Variants in PITPNC1 observed in about 807,000 individuals in gnomAD.
The protein encoded by PITPNC1 is cytoplasmic phosphatidylinositol transfer protein 1.
Under a neutral mutation model 44.7 loss-of-function variants are expected in PITPNC1, and 18 were observed. That is an observed-to-expected ratio of 0.40 (90% CI 0.28 to 0.60). The LOEUF (loss-of-function observed/expected upper bound fraction) is 0.60. Ranked by LOEUF, PITPNC1 falls within the 20% of genes least tolerant of loss-of-function variation. PITPNC1 has a pLI of 0.39. For synonymous variants in PITPNC1, 141 were observed against 149.6 expected, an observed-to-expected ratio of 0.94 and a Z score of 0.42; for missense variants, 290 against 418.4, an observed-to-expected ratio of 0.69 and a Z score of 2.68.
At chr17:67,463,529 G>T (rs1239062866) in intron 1 of PITPNC1, among the ~76,000 whole-genome samples, 1 of 152,186 alleles carries the variant, frequency 6.6e-6, no homozygotes, top group Non-Finnish European at 1.5e-5. Context: ...GGAAGTCCTT[G>T]ACTTGGGGTC....
At chr17:67,667,330 A>T (rs536489229) in intron 6 of PITPNC1, among the ~76,000 whole-genome samples, 10 of 151,976 alleles carry the variant, frequency 6.6e-5, no homozygotes, top group Admixed American at 3.9e-4. Flanking sequence ...GGAGCTTGAG[A>T]CTAGCCTGGG....
At chr17:67,650,367 C>G (rs1000520197) in intron 6 of PITPNC1, among the ~76,000 whole-genome samples, 1 of 151,104 alleles carries the variant, frequency 6.6e-6, no homozygotes, top group African/African-American at 2.4e-5. Context: ...CTGGCCACCT[C>G]TCTTGCAAGT....
chr17:67,422,693 C>G (rs1226021726), intron 1 of PITPNC1, among the ~76,000 whole-genome samples: 2 of 152,094 alleles, frequency 1.3e-5, no homozygotes, highest in African/African-American at 4.8e-5. Context: ...GATTAGACTA[C>G]TACACTCGGC....
intron 4 of PITPNC1, among the ~76,000 whole-genome samples, chr17:67,569,118 G>A (rs1378724454): frequency 6.6e-6 from 1 of 150,448 alleles, no homozygotes; most frequent in African/African-American, 2.4e-5. Flanking sequence ...AATAAGGGCT[G>A]CCAGCACCAC....
intron 1 of PITPNC1, among the ~76,000 whole-genome samples, chr17:67,465,687 T>C (rs1353800233): frequency 2.0e-5 from 3 of 152,160 alleles, no homozygotes; most frequent in Non-Finnish European, 4.4e-5. Context: ...TTCGGGGCTT[T>C]AGCTGGGCTG....
intron 1 of PITPNC1, among the ~76,000 whole-genome samples, chr17:67,532,305 G>A (rs1283462012): frequency 6.6e-6 from 1 of 152,206 alleles, no homozygotes; most frequent in Admixed American, 6.5e-5. Context: ...CATTGTTCTA[G>A]GGGACAGAGG....
chr17:67,559,950 G>T (rs148121995), intron 4 of PITPNC1, among the ~76,000 whole-genome samples: 132 of 152,288 alleles, frequency 8.7e-4, no homozygotes, highest in African/African-American at 3.2e-3. Flanking sequence ...CACAGAGCCA[G>T]AACGACCAAG....
At chr17:67,521,598 G>C (rs2040325871) in intron 1 of PITPNC1, among the ~76,000 whole-genome samples, 2 of 150,788 alleles carry the variant, frequency 1.3e-5, no homozygotes, top group African/African-American at 4.9e-5. Flanking sequence ...TAACCTTCCT[G>C]TCTACATGGA....
intron 1 of PITPNC1, among the ~76,000 whole-genome samples, chr17:67,436,914 T>TG: frequency 8.3e-6 from 1 of 120,220 alleles, no homozygotes; most frequent in Non-Finnish European, 1.8e-5. Context: ...GGGTGTTTTT[T>TG]TTTTTTTTTT....
At chr17:67,582,902 G>A (rs1367767522) in intron 5 of PITPNC1, among the ~76,000 whole-genome samples, 3 of 152,194 alleles carry the variant, frequency 2.0e-5, no homozygotes, top group Non-Finnish European at 2.9e-5. Context: ...ATGTGGTGAC[G>A]GCTGCCAGGT....
intron 1 of PITPNC1, among the ~76,000 whole-genome samples, chr17:67,452,761 C>T (rs572278790): frequency 1.3e-5 from 2 of 152,338 alleles, no homozygotes; most frequent in African/African-American, 2.4e-5. Flanking sequence ...GTTGTGATTA[C>T]AGGCGTGAGC....
At chr17:67,400,892 C>G (rs1003433071) in intron 1 of PITPNC1, among the ~76,000 whole-genome samples, 7 of 151,874 alleles carry the variant, frequency 4.6e-5, no homozygotes, top group African/African-American at 9.7e-5. Flanking sequence ...GTTCGTTACG[C>G]TTTCACCTGC....
chr17:67,575,811 TTTCTTTCTTTCCTTCCTTCCTTCC>T (rs2041135842), intron 4 of PITPNC1, among the ~76,000 whole-genome samples: 1 of 87,192 alleles, frequency 1.1e-5, no homozygotes, highest in Admixed American at 1.3e-4. Flanking sequence ...TCTTTCTTTC[TTTCTTTCTTTCCTTCCTTCCTTCC>T]TTCCTTCTTT....
intron 2 of PITPNC1, among the ~76,000 whole-genome samples, chr17:67,536,467 T>C (rs913740028): frequency 6.6e-6 from 1 of 152,130 alleles, no homozygotes; most frequent in Admixed American, 6.5e-5. Flanking sequence ...CCTCAAATGA[T>C]CCACCAGCCT....
intron 6 of PITPNC1, among the ~76,000 whole-genome samples, chr17:67,650,331 T>TC (rs894605472): frequency 3.3e-5 from 5 of 152,122 alleles, no homozygotes; most frequent in Admixed American, 1.3e-4. Context: ...GGGTGATTTT[T>TC]CCCAGCTTCC....
At chr17:67,667,973 C>T (rs1306127412) in intron 6 of PITPNC1, among the ~76,000 whole-genome samples, 1 of 152,068 alleles carries the variant, frequency 6.6e-6, no homozygotes, top group Non-Finnish European at 1.5e-5. Context: ...GAGCAAGACT[C>T]CATCTCAAAA....
At chr17:67,430,109 G>T (rs1006761914) in intron 1 of PITPNC1, among the ~76,000 whole-genome samples, 1 of 152,206 alleles carries the variant, frequency 6.6e-6, no homozygotes, top group Non-Finnish European at 1.5e-5. Flanking sequence ...ATAGCAATAA[G>T]GTTTATAAAG....
At chr17:67,497,703 T>C (rs572749681) in intron 1 of PITPNC1, among the ~76,000 whole-genome samples, 1 of 151,852 alleles carries the variant, frequency 6.6e-6, no homozygotes, top group South Asian at 2.1e-4. Context: ...AATTTTTGTA[T>C]TTTTTGTAGA....
At chr17:67,391,060 CGTGTGT>C (rs80236076) in intron 1 of PITPNC1, among the ~76,000 whole-genome samples, 21 of 146,798 alleles carry the variant, frequency 1.4e-4, no homozygotes, top group African/African-American at 3.1e-4. Context: ...ACTTTTTTAG[CGTGTGT>C]GTGTGTGTGT....
Sources: gnomAD v4.1 joint callset for allele counts (sites outside exome capture counted in the v4.1 genomes callset) on GRCh38, gnomAD v4.1.1 for gene constraint, MANE v1.5 for transcripts, NCBI Gene and HGNC (gene_info 2026-07-23, HGNC 2026-07-21) for gene names.